Variants in QTMAN observed in about 807,000 individuals in gnomAD.
QTMAN encodes the protein tRNA-queuosine alpha-mannosyltransferase.
the QTMAN span, among the ~76,000 whole-genome samples, chr2:143,997,199 C>T: frequency 6.6e-6 from 1 of 152,138 alleles, no homozygotes; most frequent in Middle Eastern, 3.4e-3. Flanking sequence ...GAAAACAAAG[C>T]TTTCAGAAGG....
At chr2:143,979,860 A>G in the QTMAN span, among the ~76,000 whole-genome samples, 1 of 152,180 alleles carries the variant, frequency 6.6e-6, no homozygotes, top group African/African-American at 2.4e-5. Context: ...TCTTTCTGTA[A>G]CATTCAGACT....
chr2:144,147,480 A>C, the QTMAN span, among the ~76,000 whole-genome samples: 5 of 152,022 alleles, frequency 3.3e-5, no homozygotes, highest in African/African-American at 1.2e-4. Context: ...CAGAGGAAAC[A>C]ACAAAATATT....
the QTMAN span, among the ~76,000 whole-genome samples, chr2:144,275,501 A>C: frequency 1.3e-5 from 2 of 152,168 alleles, no homozygotes; most frequent in Non-Finnish European, 2.9e-5. Context: ...CATCAGACTC[A>C]GACTTTGACT....
the QTMAN span, among the ~76,000 whole-genome samples, chr2:144,102,960 C>T: frequency 6.6e-6 from 1 of 152,158 alleles, no homozygotes. Context: ...CTGTCCCTCC[C>T]TCCCACCACT....
At chr2:144,022,298 G>A in the QTMAN span, among the ~76,000 whole-genome samples, 1 of 148,334 alleles carries the variant, frequency 6.7e-6, no homozygotes, top group African/African-American at 2.5e-5. Flanking sequence ...TTTTTAATTT[G>A]TATATATATA....
At chr2:144,209,218 A>AT in the QTMAN span, among the ~76,000 whole-genome samples, 1 of 152,214 alleles carries the variant, frequency 6.6e-6, no homozygotes, top group African/African-American at 2.4e-5. Context: ...TCATCTTCTA[A>AT]TGACGACTTT....
At chr2:144,214,146 A>G in the QTMAN span, among the ~76,000 whole-genome samples, 1 of 152,234 alleles carries the variant, frequency 6.6e-6, no homozygotes, top group African/African-American at 2.4e-5. Context: ...GAATCTATTA[A>G]GAGTGTGAAG....
the QTMAN span, among the ~76,000 whole-genome samples, chr2:143,959,804 T>C: frequency 2.0e-5 from 3 of 152,122 alleles, no homozygotes; most frequent in African/African-American, 7.2e-5. Context: ...ATATATTTTA[T>C]ATATTCACAA....
At chr2:144,076,437 A>T in the QTMAN span, among the ~76,000 whole-genome samples, 1 of 152,166 alleles carries the variant, frequency 6.6e-6, no homozygotes, top group African/African-American at 2.4e-5. Context: ...CACAAGGAAA[A>T]AGAGCAAGCA....
chr2:144,283,527 T>G, the QTMAN span, among the ~76,000 whole-genome samples: 2 of 152,172 alleles, frequency 1.3e-5, no homozygotes, highest in African/African-American at 4.8e-5. Context: ...TTAAAACACT[T>G]GAAAAAAATT....
At chr2:144,266,954 C>G in the QTMAN span, among the ~76,000 whole-genome samples, 1 of 152,028 alleles carries the variant, frequency 6.6e-6, no homozygotes, top group Non-Finnish European at 1.5e-5. Flanking sequence ...TCAGGAAAGG[C>G]TCAAGGACAT....
chr2:144,159,053 C>T, the QTMAN span, among the ~76,000 whole-genome samples: 1 of 151,850 alleles, frequency 6.6e-6, no homozygotes, highest in Non-Finnish European at 1.5e-5. Context: ...TGCAATAATA[C>T]AAAAAGGATT....
the QTMAN span, among the ~76,000 whole-genome samples, chr2:144,267,799 G>A: frequency 3.3e-5 from 5 of 152,132 alleles, no homozygotes; most frequent in African/African-American, 1.2e-4. Flanking sequence ...AGCCCTAATA[G>A]CGATCTAAAC....
chr2:144,170,163 A>G, the QTMAN span, among the ~76,000 whole-genome samples: 1 of 152,200 alleles, frequency 6.6e-6, no homozygotes, highest in African/African-American at 2.4e-5. Context: ...TTACAAAACT[A>G]GTCCCTTATT....
the QTMAN span, among the ~76,000 whole-genome samples, chr2:144,240,193 G>C: frequency 1.3e-5 from 2 of 152,144 alleles, no homozygotes; most frequent in African/African-American, 4.8e-5. Flanking sequence ...GACTCAGCAG[G>C]ACAGAGAAGA....
the QTMAN span, among the ~76,000 whole-genome samples, chr2:143,990,183 G>C: frequency 6.6e-6 from 1 of 152,038 alleles, no homozygotes; most frequent in African/African-American, 2.4e-5. Context: ...CTCAATCCTG[G>C]CTGCACAGTA....
chr2:144,086,227 G>A, the QTMAN span, among the ~76,000 whole-genome samples: 1 of 152,156 alleles, frequency 6.6e-6, no homozygotes, highest in African/African-American at 2.4e-5. Flanking sequence ...TTGAGTACAG[G>A]GCAGCCAGGG....
At chr2:144,248,540 T>C in the QTMAN span, among the ~76,000 whole-genome samples, 1 of 152,212 alleles carries the variant, frequency 6.6e-6, no homozygotes, top group Non-Finnish European at 1.5e-5. Context: ...AGTTTACACA[T>C]GCCACTATCA....
At chr2:144,252,260 A>C in the QTMAN span, among the ~76,000 whole-genome samples, 2 of 152,278 alleles carry the variant, frequency 1.3e-5, no homozygotes, top group African/African-American at 2.4e-5. Flanking sequence ...CTGTAGTCCC[A>C]GTTATTGGGG....
Sources: gnomAD v4.1 joint callset for allele counts (sites outside exome capture counted in the v4.1 genomes callset) on GRCh38, gnomAD v4.1.1 for gene constraint, MANE v1.5 for transcripts, NCBI Gene and HGNC (gene_info 2026-07-23, HGNC 2026-07-21) for gene names.